SRGAP1: variants seen among roughly 807,000 people sequenced by gnomAD.
SRGAP1 encodes the protein SLIT-ROBO Rho GTPase activating protein 1.
In SRGAP1, 43 loss-of-function variants were observed where a neutral mutation model predicts 121.9. That is an observed-to-expected ratio of 0.35 (90% confidence interval 0.28 to 0.46). The LOEUF (loss-of-function observed/expected upper bound fraction) is 0.46. SRGAP1 is among the 20% of genes least tolerant of loss of function. The pLI, the probability that SRGAP1 is intolerant of heterozygous loss-of-function variation, is 1.00. For synonymous variants in SRGAP1, 447 were observed against 485.4 expected (o/e 0.92, Z 1.04); for missense variants, 1,102 against 1,350.9 (o/e 0.82, Z 2.89).
chr12:63,925,208 A>G (rs923759879), intron 1 of SRGAP1, among the ~76,000 whole-genome samples: 11 of 152,198 alleles, frequency 7.2e-5, no homozygotes, highest in Non-Finnish European at 1.5e-4. Flanking sequence ...TTCAGGTGCA[A>G]ATCATACCAG....
At chr12:63,931,010 C>A (rs1198275475) in intron 1 of SRGAP1, among the ~76,000 whole-genome samples, 1 of 152,032 alleles carries the variant, frequency 6.6e-6, no homozygotes, top group African/African-American at 2.4e-5. Context: ...TTTGTGTAGC[C>A]AGTGTTTGTC....
At chr12:64,117,116 AT>A (rs1189606126) in intron 18 of SRGAP1, among the ~76,000 whole-genome samples, 8 of 152,128 alleles carry the variant, frequency 5.3e-5, no homozygotes, top group Non-Finnish European at 1.2e-4. Flanking sequence ...GTTGGCTCCA[AT>A]GGGCAGGTTG....
rs192965863 is a variant in SRGAP1, at chr12:63,853,017, G to A, written c.67+8134G>A. Among the ~76,000 whole-genome samples, 57 of 150,940 alleles carry A rather than the reference G, an allele frequency of 3.8e-4. No homozygotes were observed. The East Asian group carries it at 9.1e-3, about 24-fold the overall frequency. On this transcript the variant is annotated intron_variant, in intron 1 of 21. Transcript: ENST00000355086. The stretch of plus-strand genomic sequence containing the variant: ...CTAGGATGTCCAAACAAGTATTACC[G>A]CAAAATTTTTTTTTTTTTTGAGATG...
chr12:64,024,916 C>T (rs950283687), intron 4 of SRGAP1, among the ~76,000 whole-genome samples: 4 of 152,214 alleles, frequency 2.6e-5, no homozygotes, highest in East Asian at 1.9e-4. Flanking sequence ...CACCTGGTCC[C>T]GCTCTTGACA....
intron 3 of SRGAP1, among the ~76,000 whole-genome samples, chr12:64,013,256 C>T (rs1033493880): frequency 6.6e-6 from 1 of 152,164 alleles, no homozygotes; most frequent in African/African-American, 2.4e-5. Context: ...GTGGGGGTAA[C>T]ATGAGGTGCT....
In SRGAP1 at chr12:64,158,531, A is replaced by C. The variant is rs1345958926; in HGVS notation, c.*15859A>C. The C allele has an allele frequency of 6.6e-6, 1 of 152,206 alleles. No homozygotes were observed. Among genetic ancestry groups the C allele is most frequent in the African/African-American group, 2.4e-5 (1 of 41,448 alleles). The allele number at this position is 152,206 out of a possible 1,614,324, so 9.4% of individuals were successfully genotyped here. On this transcript the variant is annotated 3_prime_UTR_variant, in exon 22 of 22. Transcript: ENST00000355086. ...CTTTGATAAAAATGTAACTTCATTTAAGTCTAGTAAATAATTAGGATTATG... is the reference window on the plus strand; with the variant it reads ...CTTTGATAAAAATGTAACTTCATTTCAGTCTAGTAAATAATTAGGATTATG...
At chr12:63,883,558 A>C (rs1900265080) in intron 1 of SRGAP1, among the ~76,000 whole-genome samples, 1 of 152,164 alleles carries the variant, frequency 6.6e-6, no homozygotes, top group African/African-American at 2.4e-5. Flanking sequence ...CTGGTACCGG[A>C]ATATGTCTTC....
At position 63,858,161 on chromosome 12, in the gene SRGAP1, A is replaced by G. The variant is rs146594422; in HGVS notation, c.67+13278A>G. 6.8e-5 allele frequency among the ~76,000 whole-genome samples: 10 copies of G among 147,318 alleles called. No individual in the cohort carries two copies. In the East Asian group the frequency reaches 1.9e-3, roughly 27 times the overall value. ...ATTTAACCTTCTTTGCATTAAGGCT[A>G]TCTTCGTTGTATTTTGTGTGTGGTG... is the stretch of plus-strand genomic sequence containing the variant. On this transcript the variant is annotated intron_variant, in intron 1 of 21. Coordinates refer to ENST00000355086, the MANE Select transcript of SRGAP1 (RefSeq NM_020762.4).
In SRGAP1 at chr12:64,160,010, G is replaced by C. The variant is rs1012450926; in HGVS notation, c.*17338G>C. 1.3e-5 allele frequency: 2 copies of C among 152,014 alleles called. No individual in the cohort carries two copies. The highest frequency in any genetic ancestry group is 2.9e-5 in the Non-Finnish European group (2 of 68,000). 9.4% of individuals were successfully genotyped at this position (152,014 alleles called of 1,614,324 possible). A position where few individuals can be genotyped will look rare whatever the true frequency, so the allele number is the denominator to read the frequency against. Reference sequence around the variant, plus strand: ...GCTTAGCTTTCTATTTACATAAATAGGTAAAAATTCCTTCTCAAAAATCTT... The same window carrying C: ...GCTTAGCTTTCTATTTACATAAATACGTAAAAATTCCTTCTCAAAAATCTT... On this transcript the variant is annotated 3_prime_UTR_variant, in exon 22 of 22. Coordinates refer to ENST00000355086, the MANE Select transcript of SRGAP1 (RefSeq NM_020762.4).
chr12:63,971,012 C>T (rs573768082), intron 1 of SRGAP1, among the ~76,000 whole-genome samples: 6 of 152,240 alleles, frequency 3.9e-5, no homozygotes, highest in South Asian at 4.1e-4. Flanking sequence ...CCTACCTAAC[C>T]ACCCTGCGAT....
At chr12:63,984,201 C>T (rs1175247164) in intron 2 of SRGAP1, 59 bp downstream of exon 2, 2 of 985,062 alleles carry the variant, frequency 2.0e-6, no homozygotes, top group South Asian at 3.2e-5. Flanking sequence ...GCCTTTGCCA[C>T]CTTTGTGGAT....
At chr12:64,116,587 T>C (rs1421021582) in intron 18 of SRGAP1, among the ~76,000 whole-genome samples, 2 of 152,238 alleles carry the variant, frequency 1.3e-5, no homozygotes, top group Non-Finnish European at 2.9e-5. Context: ...CAGTTTGAAC[T>C]GTTTATTTTA....
intron 1 of SRGAP1, among the ~76,000 whole-genome samples, chr12:63,967,881 A>ATC (rs1253236412): frequency 6.6e-6 from 1 of 152,190 alleles, no homozygotes; most frequent in Non-Finnish European, 1.5e-5. Flanking sequence ...ATCCTGAGAA[A>ATC]CAGTTCCAGT....
chr12:63,991,921 T>G (rs1449134011), intron 3 of SRGAP1, among the ~76,000 whole-genome samples: 1 of 152,160 alleles, frequency 6.6e-6, no homozygotes, highest in Admixed American at 6.5e-5. Flanking sequence ...TTACAGTAAT[T>G]AACAGTTACT....
intron 3 of SRGAP1, among the ~76,000 whole-genome samples, chr12:64,006,178 A>G (rs574519288): frequency 3.9e-5 from 6 of 152,290 alleles, no homozygotes; most frequent in African/African-American, 1.2e-4. Flanking sequence ...AGATTTTACA[A>G]AGGAACTGGG....
chr12:63,845,628 G>T (rs1592873884), intron 1 of SRGAP1, among the ~76,000 whole-genome samples: 2 of 135,132 alleles, frequency 1.5e-5, no homozygotes, highest in African/African-American at 6.0e-5. Context: ...CCTAATTAAG[G>T]CTGATTATTT....
At chr12:64,135,779 C>T (rs2036847849) in intron 21 of SRGAP1, among the ~76,000 whole-genome samples, 1 of 152,136 alleles carries the variant, frequency 6.6e-6, no homozygotes, top group African/African-American at 2.4e-5. Flanking sequence ...TAGAACCACT[C>T]CTGGTACCAA....
chr12:63,892,279 T>C (rs2136297870), intron 1 of SRGAP1, among the ~76,000 whole-genome samples: 1 of 152,306 alleles, frequency 6.6e-6, no homozygotes, highest in African/African-American at 2.4e-5. Flanking sequence ...TATCTGTAAG[T>C]TTAATCTCAA....
chr12:63,929,550 T>A (rs753133387), intron 1 of SRGAP1, among the ~76,000 whole-genome samples: 6 of 151,600 alleles, frequency 4.0e-5, no homozygotes, highest in Non-Finnish European at 7.4e-5. Context: ...TTCTGGGGAT[T>A]GTGGTGTTTT....
Sources: allele counts gnomAD v4.1 joint callset (sites outside exome capture counted in the v4.1 genomes callset), GRCh38; gene constraint gnomAD v4.1.1; transcripts MANE v1.5; gene names NCBI Gene and HGNC (gene_info 2026-07-23, HGNC 2026-07-21).